The following FAM83A variants were observed in gnomAD, a reference collection of about 807,000 sequenced individuals.
FAM83A encodes the protein protein FAM83A.
FAM83A carries 21 observed loss-of-function variants against 24.4 expected under a neutral mutation model. The observed-to-expected ratio is 0.86, with a 90% CI of 0.61 to 1.24. The LOEUF (loss-of-function observed/expected upper bound fraction) is 1.24, where lower values mean the gene tolerates loss of function less well. Ranked by LOEUF, FAM83A falls within the 50% of genes most tolerant of loss-of-function variation. FAM83A has a pLI of 0.00. For synonymous variants in FAM83A, 270 were observed against 252.4 expected (o/e 1.07, Z -0.66); for missense variants, 617 against 579.8 (o/e 1.06, Z -0.66).
At chr8:123,208,967 A>G (rs75927713) in exon 4 of FAM83A, 6 of 454,268 alleles carry the variant, frequency 1.3e-5, no homozygotes, top group Non-Finnish European at 1.7e-5. Flanking sequence ...CCGTCACAGA[A>G]AAAAAAAAAA....
intron 3 of FAM83A, among the ~76,000 whole-genome samples, chr8:123,206,755 C>G (rs1824563313): frequency 6.6e-6 from 1 of 152,268 alleles, no homozygotes; most frequent in East Asian, 1.9e-4. Context: ...CGCAATGTCT[C>G]TCTCTCAGGG....
At chr8:123,196,143 C>G (rs1323416080) in intron 3 of FAM83A, among the ~76,000 whole-genome samples, 1 of 152,230 alleles carries the variant, frequency 6.6e-6, no homozygotes, top group Non-Finnish European at 1.5e-5. Flanking sequence ...TCCCTTGTAG[C>G]TGGGATTACA....
At chr8:123,182,850 G>C (rs111237881) in exon 1 of FAM83A, 26 of 1,519,476 alleles carry the variant, frequency 1.7e-5, no homozygotes, top group African/African-American at 1.5e-4. Context: ...ACCCAGGGAC[G>C]GGAGGCATGA....
upstream of FAM83A, among the ~76,000 whole-genome samples, chr8:123,181,216 G>A (rs1294123087): frequency 6.6e-6 from 1 of 152,138 alleles, no homozygotes; most frequent in East Asian, 1.9e-4. Flanking sequence ...CAAAGTGCTG[G>A]GATTACAGGT....
chr8:123,183,894 C>G (rs1290876527), intron 1 of FAM83A, among the ~76,000 whole-genome samples: 1 of 151,934 alleles, frequency 6.6e-6, no homozygotes, highest in African/African-American at 2.4e-5. Context: ...AGAGGTTTCA[C>G]CATGTTGGCC....
chr8:123,206,557 C>A (rs1293488764), intron 3 of FAM83A, among the ~76,000 whole-genome samples: 1 of 152,186 alleles, frequency 6.6e-6, no homozygotes, highest in African/African-American at 2.4e-5. Context: ...GGGTGACTAC[C>A]CTAAGCGCAG....
exon 1 of FAM83A, chr8:123,183,267 G>A (rs561937640): frequency 6.2e-7 from 1 of 1,613,302 alleles, no homozygotes; most frequent in Non-Finnish European, 8.5e-7. Context: ...GCGCCACTGT[G>A]TACTTCCAGA....
chr8:123,185,627 G>T (rs1040667355), intron 1 of FAM83A, among the ~76,000 whole-genome samples: 1 of 152,184 alleles, frequency 6.6e-6, no homozygotes, highest in Non-Finnish European at 1.5e-5. Context: ...CTGCTTCGTT[G>T]GGTGGGTCCC....
intron 3 of FAM83A, among the ~76,000 whole-genome samples, chr8:123,197,625 T>C (rs928789616): frequency 6.6e-6 from 1 of 152,210 alleles, no homozygotes; most frequent in Non-Finnish European, 1.5e-5. Context: ...AGCTGAGGAA[T>C]TCTTGCAGCG....
chr8:123,182,745 G>A (rs1034557505), exon 1 of FAM83A: 34 of 1,463,994 alleles, frequency 2.3e-5, no homozygotes, highest in African/African-American at 5.6e-5. Context: ...GGGAGCAGGC[G>A]GCCTCCCGGG....
At chr8:123,206,900 C>T (rs1824568723) in intron 3 of FAM83A, among the ~76,000 whole-genome samples, 1 of 151,882 alleles carries the variant, frequency 6.6e-6, no homozygotes, top group South Asian at 2.1e-4. Flanking sequence ...GCCGGCGAAG[C>T]CTCCTATCTG....
exon 4 of FAM83A, chr8:123,207,321 C>T (rs1391989135): frequency 6.2e-7 from 1 of 1,611,606 alleles, no homozygotes; most frequent in South Asian, 1.1e-5. Flanking sequence ...CCCGGAGCAG[C>T]CCCGGCCAAT....
At chr8:123,182,380 GA>G (rs1306081293), upstream of FAM83A, 2 of 357,944 alleles carry the variant, frequency 5.6e-6, no homozygotes, top group Non-Finnish European at 1.1e-5. Context: ...AACAGCATGG[GA>G]ATCGAGGCAC....
intron 3 of FAM83A, among the ~76,000 whole-genome samples, chr8:123,197,391 C>T (rs1259601438): frequency 6.6e-6 from 1 of 152,184 alleles, no homozygotes; most frequent in African/African-American, 2.4e-5. Flanking sequence ...AAGTGCCTGT[C>T]TCATGTAAAT....
At chr8:123,180,561 C>A (rs1051807293), upstream of FAM83A, 4 of 152,340 alleles carry the variant, frequency 2.6e-5, no homozygotes, top group African/African-American at 9.7e-5. Context: ...TGAAGCCGAG[C>A]AAATCCATGG....
upstream of FAM83A, chr8:123,182,407 A>G (rs1260655777): frequency 5.5e-6 from 2 of 365,272 alleles, no homozygotes; most frequent in Non-Finnish European, 1.1e-5. Context: ...AGGGGAGCAG[A>G]GGCAGGCAGG....
chr8:123,190,267 ATTT>A (rs1180933433), intron 1 of FAM83A, among the ~76,000 whole-genome samples: 1 of 152,102 alleles, frequency 6.6e-6, no homozygotes, highest in African/African-American at 2.4e-5. Flanking sequence ...GTATTTTCTT[ATTT>A]TTTTATTTTG....
chr8:123,190,202 AAAGAAAGAAAGAAAG>A (rs1242830868), intron 1 of FAM83A, among the ~76,000 whole-genome samples: 3 of 152,028 alleles, frequency 2.0e-5, no homozygotes, highest in Non-Finnish European at 2.9e-5. Flanking sequence ...AAAAGAAAGA[AAAGAAAGAAAGAAAG>A]AAGAAAGAAA....
intron 3 of FAM83A, among the ~76,000 whole-genome samples, chr8:123,204,911 A>C (rs947371223): frequency 2.6e-5 from 4 of 152,182 alleles, no homozygotes; most frequent in East Asian, 1.9e-4. Flanking sequence ...CAGGAGTTCA[A>C]GACCAGGCTG....
Sources: gnomAD v4.1 joint callset for allele counts (sites outside exome capture counted in the v4.1 genomes callset) on GRCh38, gnomAD v4.1.1 for gene constraint, MANE v1.5 for transcripts, NCBI Gene and HGNC (gene_info 2026-07-23, HGNC 2026-07-21) for gene names.